ABCG2: variants seen among roughly 807,000 people sequenced by gnomAD.
ABCG2 encodes ATP binding cassette subfamily G member 2 (JR blood group), also known as broad substrate specificity ATP-binding cassette transporter ABCG2.
ABCG2 carries 80 observed loss-of-function variants against 73.5 expected under a neutral mutation model. The observed-to-expected ratio is 1.09, with a 90% CI of 0.91 to 1.31. The LOEUF is 1.31. Among genes scored for constraint, ABCG2 ranks in the 50% most tolerant of loss-of-function variants. The probability of loss-of-function intolerance (pLI) is 0.00; values close to 1 mark genes in which losing one functional copy is unlikely to be tolerated. For missense variants in ABCG2, 796 were observed against 786.2 expected, an observed-to-expected ratio of 1.01 and a Z score of -0.15; for synonymous variants, 269 against 282.4, an observed-to-expected ratio of 0.95 and a Z score of 0.48.
intron 15 of ABCG2, among the ~76,000 whole-genome samples, chr4:88,092,670 C>A (rs1721714458): frequency 6.6e-6 from 1 of 152,184 alleles, no homozygotes. Flanking sequence ...TTTACAGAGT[C>A]ATACTTTGAA....
chr4:88,102,964 T>C (rs1230792686), intron 10 of ABCG2, among the ~76,000 whole-genome samples: 1 of 152,164 alleles, frequency 6.6e-6, no homozygotes, highest in African/African-American at 2.4e-5. Flanking sequence ...GGCTAGAGTA[T>C]AGTGGCATGA....
At chr4:88,208,244 A>C (rs1307288828) in intron 1 of ABCG2, among the ~76,000 whole-genome samples, 1 of 152,222 alleles carries the variant, frequency 6.6e-6, no homozygotes, top group Non-Finnish European at 1.5e-5. Context: ...ATATATAATC[A>C]TTCTACTCAT....
chr4:88,158,793 T>A (rs1727139052), upstream of ABCG2: 1 of 343,902 alleles, frequency 2.9e-6, no homozygotes. Context: ...GAGGTCACGA[T>A]GGGAGCCGGC....
intron 1 of ABCG2, among the ~76,000 whole-genome samples, chr4:88,186,344 G>A (rs138574762): frequency 6.6e-6 from 1 of 152,274 alleles, no homozygotes; most frequent in Non-Finnish European, 1.5e-5. Context: ...AGAGCAGAAC[G>A]GTGGTTAGGG....
At chr4:88,198,424 G>A (rs1000294809) in intron 1 of ABCG2, among the ~76,000 whole-genome samples, 1 of 152,112 alleles carries the variant, frequency 6.6e-6, no homozygotes, top group Non-Finnish European at 1.5e-5. Context: ...GTTGAAGCTA[G>A]GAGTTCAAGA....
intron 10 of ABCG2, among the ~76,000 whole-genome samples, chr4:88,102,486 C>T (rs1418545722): frequency 1.3e-5 from 2 of 151,790 alleles, no homozygotes; most frequent in Non-Finnish European, 2.9e-5. Flanking sequence ...GTCCCAGCTA[C>T]TCAGGAGGCT....
intron 1 of ABCG2, among the ~76,000 whole-genome samples, chr4:88,143,995 C>T (rs1248173414): frequency 6.6e-6 from 1 of 152,174 alleles, no homozygotes; most frequent in Non-Finnish European, 1.5e-5. Context: ...TAAGCAAACA[C>T]CAGTCTTTCC....
intron 1 of ABCG2, among the ~76,000 whole-genome samples, chr4:88,229,167 C>T (rs939102381): frequency 1.3e-5 from 2 of 152,202 alleles, no homozygotes; most frequent in Non-Finnish European, 2.9e-5. Flanking sequence ...ACACTTGCTG[C>T]GAAGGTTTGC....
At chr4:88,193,884 A>G (rs1001132868) in intron 1 of ABCG2, among the ~76,000 whole-genome samples, 14 of 152,214 alleles carry the variant, frequency 9.2e-5, no homozygotes, top group Non-Finnish European at 8.8e-5. Flanking sequence ...AGCTGGGACT[A>G]CAGGCATCTG....
At chr4:88,201,621 A>T (rs1179371454) in intron 1 of ABCG2, 1 of 152,178 alleles carries the variant, frequency 6.6e-6, no homozygotes, top group East Asian at 1.9e-4. Flanking sequence ...TAGAGGGAAT[A>T]CTTCCTAACT....
intron 1 of ABCG2, among the ~76,000 whole-genome samples, chr4:88,229,906 A>G (rs1257987662): frequency 1.3e-5 from 2 of 152,002 alleles, no homozygotes; most frequent in African/African-American, 4.8e-5. Flanking sequence ...CAACAATGTA[A>G]TAGATTCATA....
At chr4:88,125,452 C>CA (rs1420492971) in intron 5 of ABCG2, among the ~76,000 whole-genome samples, 2 of 151,240 alleles carry the variant, frequency 1.3e-5, no homozygotes, top group Non-Finnish European at 2.9e-5. Context: ...AATAAAAATA[C>CA]AAAAAATTAG....
chr4:88,167,236 C>G (rs962623525), intron 1 of ABCG2, among the ~76,000 whole-genome samples: 2 of 151,948 alleles, frequency 1.3e-5, no homozygotes, highest in Non-Finnish European at 2.9e-5. Flanking sequence ...ACTGAGTTTC[C>G]TGTGTCCTTG....
chr4:88,116,287 T>G (rs1723573099), intron 7 of ABCG2, among the ~76,000 whole-genome samples: 1 of 152,176 alleles, frequency 6.6e-6, no homozygotes, highest in African/African-American at 2.4e-5. Flanking sequence ...CTGAGCAGTA[T>G]TCTCGATAGA....
chr4:88,214,005 T>TTTTTTG (rs1729706147), intron 1 of ABCG2, among the ~76,000 whole-genome samples: 1 of 76,104 alleles, frequency 1.3e-5, no homozygotes, highest in African/African-American at 5.8e-5. Context: ...TTTTTTTTTT[T>TTTTTTG]GAGACAGAGT....
At chr4:88,114,745 C>T (rs569760552) in intron 8 of ABCG2, among the ~76,000 whole-genome samples, 1 of 152,014 alleles carries the variant, frequency 6.6e-6, no homozygotes, top group Non-Finnish European at 1.5e-5. Context: ...ATGTTAACTC[C>T]TCTTGGAACT....
upstream of ABCG2, chr4:88,159,356 G>A (rs1727183148): frequency 8.0e-6 from 3 of 375,366 alleles, no homozygotes; most frequent in Non-Finnish European, 1.6e-5. Context: ...CTGAGAAAGT[G>A]GATGCTTGCG....
chr4:88,090,789 A>G lies in ABCG2; in HGVS notation c.*1445T>C, dbSNP rs1272518727. The G allele has an allele frequency of 6.6e-6, 1 of 152,248 alleles. No homozygotes were observed. The highest frequency in any genetic ancestry group is 1.9e-4 in the East Asian group (1 of 5,200). The allele number at this position is 152,248 out of a possible 1,614,324, so 9.4% of individuals were successfully genotyped here. On this transcript the variant is annotated 3_prime_UTR_variant, in exon 16 of 16. Transcript: ENST00000237612. ...AAAGAATATTAGTGGAAAAGTGGTGAAATCTGAATATTGTGTGCAGTTTAA... is the reference window on the plus strand; with the variant it reads ...AAAGAATATTAGTGGAAAAGTGGTGGAATCTGAATATTGTGTGCAGTTTAA...
At chr4:88,146,459 A>G (rs1726007263) in intron 1 of ABCG2, among the ~76,000 whole-genome samples, 1 of 151,444 alleles carries the variant, frequency 6.6e-6, no homozygotes, top group Non-Finnish European at 1.5e-5. Flanking sequence ...AGTGGTGTGG[A>G]TCTTGGCTCA....
Sources: allele counts gnomAD v4.1 joint callset (sites outside exome capture counted in the v4.1 genomes callset), GRCh38; gene constraint gnomAD v4.1.1; transcripts MANE v1.5; gene names NCBI Gene and HGNC (gene_info 2026-07-23, HGNC 2026-07-21).